The following CDKL2 variants were observed in gnomAD, a reference collection of about 807,000 sequenced individuals.
CDKL2 encodes cyclin-dependent kinase-like 2.
A neutral mutation model predicts 63.9 loss-of-function variants in CDKL2; 64 were observed. The observed-to-expected ratio is 1.00, with a 90% CI of 0.82 to 1.23. The LOEUF is 1.23. Ranked by LOEUF, CDKL2 falls within the 50% of genes most tolerant of loss-of-function variation. The pLI is 0.00. For synonymous variants in CDKL2, 211 were observed against 229.2 expected, an observed-to-expected ratio of 0.92 and a Z score of 0.72; for missense variants, 656 against 668.0, an observed-to-expected ratio of 0.98 and a Z score of 0.20.
At chr4:75,594,293 C>T (rs1553928330) in intron 10 of CDKL2, among the ~76,000 whole-genome samples, 1 of 151,756 alleles carries the variant, frequency 6.6e-6, no homozygotes, top group Non-Finnish European at 1.5e-5. Flanking sequence ...ACTAAAAATA[C>T]AAAAATTAGC....
intron 12 of CDKL2, among the ~76,000 whole-genome samples, chr4:75,585,211 A>G (rs1201578181): frequency 6.6e-6 from 1 of 152,242 alleles, no homozygotes; most frequent in Non-Finnish European, 1.5e-5. Flanking sequence ...GAGGCATTTC[A>G]TAATGAGAAA....
chr4:75,596,297 G>T lies in CDKL2; in HGVS notation c.1366C>A (p.Pro456Thr). ...ATGCCTGATGGGGAATGTCTGTTCG[G>T]TTTAACAAATGGAATAGAACACTTC... The part of the protein sequence containing the change: ...TKKCSIPFVK[P>T]NRHSPSGIYN... Residue 456 changes from proline (P) to threonine (T), a missense_variant, in exon 10 of 14, where the codon CCG becomes ACG. Pro to Thr is a conservative substitution (Grantham distance 38). Coordinates refer to ENST00000307465, the MANE Select transcript of CDKL2 (RefSeq NM_001330724.2). 1 of 1,611,898 alleles carries T rather than the reference G, an allele frequency of 6.2e-7. No individual in the cohort carries two copies. The highest frequency in any genetic ancestry group is 8.5e-7 in the Non-Finnish European group (1 of 1,178,250).
At chr4:75,597,463 G>GAC (rs143715044) in intron 8 of CDKL2, among the ~76,000 whole-genome samples, 71 of 150,802 alleles carry the variant, frequency 4.7e-4, no homozygotes, top group East Asian at 9.7e-4. Flanking sequence ...AGCTCACTCA[G>GAC]ACACACACAC....
At chr4:75,601,323 A>ATTATT (rs1164516516) in intron 6 of CDKL2, among the ~76,000 whole-genome samples, 22 of 152,236 alleles carry the variant, frequency 1.4e-4, no homozygotes, top group Non-Finnish European at 1.0e-4. Flanking sequence ...CTTTACAAAG[A>ATTATT]TTATTTTATT....
intron 13 of CDKL2, among the ~76,000 whole-genome samples, chr4:75,580,211 A>C (rs958440401): frequency 2.0e-4 from 30 of 152,004 alleles, no homozygotes; most frequent in African/African-American, 7.3e-4. Flanking sequence ...GTAAGCTGAG[A>C]TTGTGCCACT....
Position 75,576,975 on chromosome 4 carries a change from GC to G in CDKL2, c.*2226del, listed in dbSNP as rs919132243. Among the ~76,000 whole-genome samples, 7 of 152,054 alleles carry G rather than the reference GC, an allele frequency of 4.6e-5. No individual in the cohort carries two copies. The highest frequency in any genetic ancestry group is 4.6e-4 in the Admixed American group (7 of 15,256). On this transcript the variant is annotated 3_prime_UTR_variant, in exon 14 of 14. Coordinates refer to ENST00000307465, the MANE Select transcript of CDKL2 (RefSeq NM_001330724.2). ...TATCACCAGCTATACAAGAAAATTA[GC>G]TTGCCATCCCTACATCCAAAGTTTT...
chr4:75,621,283 T>C (rs1435350025), intron 2 of CDKL2, among the ~76,000 whole-genome samples: 1 of 66,262 alleles, frequency 1.5e-5, no homozygotes, highest in Non-Finnish European at 2.9e-5. Context: ...GCAAGAGCCA[T>C]AAAATTAACA....
intron 7 of CDKL2, 58 bp from the exon 8 acceptor site, chr4:75,598,270 T>C (rs1729031245): frequency 2.0e-6 from 2 of 989,706 alleles, no homozygotes; most frequent in Non-Finnish European, 2.9e-6. Flanking sequence ...ACAAAAAAAT[T>C]GACTTTCAAG....
chr4:75,607,352 T>C lies in CDKL2; in HGVS notation c.373A>G (p.Arg125Gly), dbSNP rs376453066. Reference protein sequence around the residue: ...GFCHSHNIIHRDIKPENILVS... With the variant: ...GFCHSHNIIHGDIKPENILVS... Reference sequence around the variant, plus strand: ...AATATATTCTCTGGCTTTATATCTCTGTGTATGATCTAGACAAGAAGCAGA... The same window carrying C: ...AATATATTCTCTGGCTTTATATCTCCGTGTATGATCTAGACAAGAAGCAGA... The change falls in exon 4 of 14, where the codon AGA becomes GGA. Residue 125 changes from arginine (R) to glycine (G), a missense_variant. Coordinates refer to ENST00000307465, the MANE Select transcript of CDKL2 (RefSeq NM_001330724.2). The C allele has an allele frequency of 7.4e-6, 12 of 1,612,588 alleles. No individual in the cohort carries two copies. The highest frequency in any genetic ancestry group is 5.3e-5 in the African/African-American group (4 of 74,868).
At chr4:75,611,491 A>G (rs1729691370) in intron 3 of CDKL2, among the ~76,000 whole-genome samples, 1 of 148,888 alleles carries the variant, frequency 6.7e-6, no homozygotes, top group South Asian at 2.1e-4. Flanking sequence ...GAGTAAATGG[A>G]CTGGAAAAAA....
At chr4:75,624,087 C>T (rs1048353147) in intron 2 of CDKL2, among the ~76,000 whole-genome samples, 27 of 145,526 alleles carry the variant, frequency 1.9e-4, no homozygotes, top group African/African-American at 3.8e-4. Context: ...GCCAAGATTA[C>T]GCCACTGCAC....
At chr4:75,582,530 C>T (rs987285992) in intron 12 of CDKL2, among the ~76,000 whole-genome samples, 1 of 151,758 alleles carries the variant, frequency 6.6e-6, no homozygotes, top group Non-Finnish European at 1.5e-5. Context: ...AACAGAGTCT[C>T]GGGAACCTAT....
At chr4:75,596,646 A>G (rs1482282172) in intron 9 of CDKL2, among the ~76,000 whole-genome samples, 1 of 152,214 alleles carries the variant, frequency 6.6e-6, no homozygotes, top group Non-Finnish European at 1.5e-5. Context: ...CTCAAAAATT[A>G]TCTCTTTTAG....
rs1560575710 is a variant in CDKL2, at chr4:75,592,214, C to CT, written c.1471dup (p.Arg491LysfsTer8). The stretch of plus-strand genomic sequence containing the variant: ...TAGTTCAGGCAAACGGACATCTGTC[C>CT]TGGAGTATTCTCTTCTTTTCTTACT... On this transcript the variant is annotated frameshift_variant, in exon 11 of 14. Coordinates refer to ENST00000307465, the MANE Select transcript of CDKL2 (RefSeq NM_001330724.2). LOFTEE classifies it high-confidence loss of function. The CT allele has an allele frequency of 5.9e-6, 9 of 1,534,824 alleles. No homozygotes were observed. Among genetic ancestry groups the CT allele is most frequent in the Non-Finnish European group, 7.0e-6 (8 of 1,146,388 alleles).
In CDKL2 at chr4:75,625,904, T is replaced by G; in HGVS notation, c.85A>C (p.Ile29Leu). The G allele has an allele frequency of 6.2e-7, 1 of 1,613,180 alleles. No individual in the cohort carries two copies. Among genetic ancestry groups the G allele is most frequent in the South Asian group, 1.1e-5 (1 of 91,002 alleles). ...MKCRNKDTGRIVAIKKFLESD... is the reference protein window; with the variant it reads ...MKCRNKDTGRLVAIKKFLESD... ...TCTAAGAACTTCTTTATGGCCACAA[T>G]TCTTCCAGTATCTTTATTCCTACAC... The change falls in exon 2 of 14, where the codon ATT (isoleucine) becomes CTT (leucine). Residue 29 changes from isoleucine to leucine, a missense_variant. Ile to Leu is a conservative substitution (Grantham distance 5). Transcript: ENST00000307465.
At chr4:75,626,467 C>T (rs542295575) in intron 1 of CDKL2, among the ~76,000 whole-genome samples, 5 of 152,196 alleles carry the variant, frequency 3.3e-5, no homozygotes, top group East Asian at 1.9e-4. Context: ...GAGATTGAGA[C>T]CATCCTGGCT....
At chr4:75,607,995 G>A (rs754103185) in intron 3 of CDKL2, among the ~76,000 whole-genome samples, 5 of 149,858 alleles carry the variant, frequency 3.3e-5, no homozygotes, top group Admixed American at 6.7e-5. Context: ...TGTATTTTTA[G>A]TACAGACGGC....
chr4:75,583,714 GGAT>G, intron 12 of CDKL2, among the ~76,000 whole-genome samples: 1 of 152,200 alleles, frequency 6.6e-6, no homozygotes, highest in East Asian at 1.9e-4. Flanking sequence ...CGTCTTTCCT[GGAT>G]GATGGAGAAA....
chr4:75,600,092 T>C (rs1333995167), intron 7 of CDKL2, among the ~76,000 whole-genome samples, 189 bp downstream of exon 7: 1 of 152,118 alleles, frequency 6.6e-6, no homozygotes, highest in Non-Finnish European at 1.5e-5. Flanking sequence ...AGAGCACTAA[T>C]TTAGTAAATG....
Sources: allele counts gnomAD v4.1 joint callset (sites outside exome capture counted in the v4.1 genomes callset), GRCh38; gene constraint gnomAD v4.1.1; transcripts MANE v1.5; gene names NCBI Gene and HGNC (gene_info 2026-07-23, HGNC 2026-07-21).